SH3TC1: variants seen among roughly 807,000 people sequenced by gnomAD.
SH3TC1 encodes the protein SH3 domain and tetratricopeptide repeat-containing protein 1.
A neutral mutation model predicts 117.3 loss-of-function variants in SH3TC1; 135 were observed. The observed-to-expected ratio is 1.15, with a 90% confidence interval of 1.00 to 1.33. SH3TC1 has a LOEUF of 1.33. Ranked by LOEUF, SH3TC1 falls within the 40% of genes most tolerant of loss-of-function variation. SH3TC1 has a pLI of 0.00. For synonymous variants in SH3TC1, 898 were observed against 816.9 expected, an observed-to-expected ratio of 1.10 and a Z score of -1.69; for missense variants, 2,092 against 1,794.3, an observed-to-expected ratio of 1.17 and a Z score of -3.00.
At position 8,199,358 on chromosome 4, in the gene SH3TC1, G is replaced by A. The variant is rs1717680498; in HGVS notation, c.-76G>A. 6.6e-6 allele frequency: 1 copy of A among 152,334 alleles called. No individual in the cohort carries two copies. The highest frequency in any genetic ancestry group is 1.5e-5 in the Non-Finnish European group (1 of 68,098). 9.4% of individuals were successfully genotyped at this position (152,334 alleles called of 1,614,324 possible). A position where few individuals can be genotyped will look rare whatever the true frequency, so the allele number is the denominator to read the frequency against. On this transcript the variant is annotated 5_prime_UTR_variant, in exon 1 of 18. Coordinates refer to ENST00000245105, the MANE Select transcript of SH3TC1 (RefSeq NM_018986.5). ...AGGAGCGGCCACCTGGTTCCTGCGT[G>A]CTACGGCCCTGTGGGCCTGGGAGCT...
chr4:8,233,139 G>A, intron 13 of SH3TC1: 2 of 1,372,458 alleles, frequency 1.5e-6, no homozygotes, highest in Non-Finnish European at 9.4e-7. Flanking sequence ...CAGCCACAGG[G>A]CAGCATGATG....
At chr4:8,219,619 C>G (rs531884057) in intron 9 of SH3TC1, 89 bp downstream of exon 9, 89 of 1,339,262 alleles carry the variant, frequency 6.6e-5, no homozygotes, top group Non-Finnish European at 8.7e-5. Context: ...CCCCAGGTAA[C>G]AAGCCTGAAA....
chr4:8,198,973 G>T (rs141401797), upstream of SH3TC1, among the ~76,000 whole-genome samples: 1 of 152,220 alleles, frequency 6.6e-6, no homozygotes, highest in Admixed American at 6.5e-5. Context: ...AATGGAAGAG[G>T]AACAGAGATC....
At position 8,227,511 on chromosome 4, in the gene SH3TC1, AC is replaced by A. The variant is rs764663795; in HGVS notation, c.1819del (p.Leu607TrpfsTer82). The A allele has an allele frequency of 4.5e-5, 69 of 1,550,396 alleles. No individual in the cohort carries two copies. The highest frequency in any genetic ancestry group is 2.1e-4 in the Admixed American group (10 of 47,930). On this transcript the variant is annotated frameshift_variant, in exon 12 of 18. Transcript: ENST00000245105. LOFTEE classifies it high-confidence loss of function. ...TTCCTAGTGGTGGCTGTGTACGCCA[AC>A]CTGGCCAGCATTTACCGGAAGCAGA... ...DLFLVVAVYANLASIYRKQKN... is the reference protein window; with the variant it reads ...DLFLVVAVYAXLASIYRKQKN...
Position 8,205,006 on chromosome 4 carries a change from A to G in SH3TC1, c.-28-161A>G. On this transcript the variant is annotated intron_variant, in intron 1 of 17. Transcript: ENST00000245105. This position sits in a 1 kb window ranked among gnomAD's most constrained non-coding sequence, Gnocchi z 5.4. ...GCAGCAGCGGTGCGGGATCACGCCC[A>G]CCACAACACGGTGCACGGTGCGGTG... The G allele has an allele frequency of 2.1e-6, 1 of 485,470 alleles. No individual in the cohort carries two copies. The highest frequency in any genetic ancestry group is 3.4e-6 in the Non-Finnish European group (1 of 290,794). The allele number at this position is 485,470 out of a possible 1,614,324, so 30.1% of individuals were successfully genotyped here. A position where few individuals can be genotyped will look rare whatever the true frequency, so the allele number is the denominator to read the frequency against.
At chr4:8,191,825 A>G (rs558265801) in intron 1 of SH3TC1, among the ~76,000 whole-genome samples, 1 of 152,068 alleles carries the variant, frequency 6.6e-6, no homozygotes, top group Non-Finnish European at 1.5e-5. Context: ...TTTCTGGGAA[A>G]CACTGCGTTC....
At chr4:8,201,100 T>C (rs1012968753) in intron 1 of SH3TC1, among the ~76,000 whole-genome samples, 1 of 152,132 alleles carries the variant, frequency 6.6e-6, no homozygotes, top group African/African-American at 2.4e-5. Flanking sequence ...CTTGGTGGCA[T>C]AGGTGAGGTC....
rs1041870498 is a variant in SH3TC1 at position 8,210,709 on chromosome 4, G to A, written c.247+887G>A. Among the ~76,000 whole-genome samples, 7 of 132,056 alleles carry A rather than the reference G, an allele frequency of 5.3e-5. No homozygotes were observed. The highest frequency in any genetic ancestry group is 1.7e-4 in the African/African-American group (6 of 36,214). The allele number at this position is 132,056 out of a possible 152,430, so 86.6% of individuals were successfully genotyped here. ...ACCCAGGAGGCAGAGGTAGTGAGCC[G>A]AGATTGCGCCATTGCACTCCAGCCT... On this transcript the variant is annotated intron_variant, in intron 3 of 17. Transcript: ENST00000245105. This position sits in a 1 kb window ranked among gnomAD's most constrained non-coding sequence, Gnocchi z 4.1.
chr4:8,235,301 A>G (rs1286246341), intron 14 of SH3TC1, 132 bp from the exon 15 acceptor site: 1 of 1,157,118 alleles, frequency 8.6e-7, no homozygotes, highest in African/African-American at 1.6e-5. Flanking sequence ...GCCCTAATGC[A>G]CAGGGTCTGA....
chr4:8,225,259 G>T lies in SH3TC1; in HGVS notation c.1285+43G>T. The stretch of plus-strand genomic sequence containing the variant: ...CTCAGGCTTCCTCTGGTTATGAGCT[G>T]GGCCTTGGGGTAACGCTGGGGGAGG... On this transcript the variant is annotated intron_variant, in intron 11 of 17. Coordinates refer to ENST00000245105, the MANE Select transcript of SH3TC1 (RefSeq NM_018986.5). The surrounding 1 kb of genome is among the most constrained non-coding windows in gnomAD (Gnocchi z 5.5). The T allele has an allele frequency of 6.3e-7, 1 of 1,597,910 alleles. No individual in the cohort carries two copies.
chr4:8,223,069 G>A (rs559376708), intron 10 of SH3TC1, 99 bp downstream of exon 10: 2 of 1,468,582 alleles, frequency 1.4e-6, no homozygotes, highest in South Asian at 2.6e-5. Flanking sequence ...CCAGCCCCTG[G>A]ATGCTGAAAG....
At position 8,223,030 on chromosome 4, in the gene SH3TC1, C is replaced by T. The variant is rs1720097343; in HGVS notation, c.1243+60C>T. On this transcript the variant is annotated intron_variant, in intron 10 of 17. Transcript: ENST00000245105. ...CCCTCCCCTTTCCCTTCTGCAGCCC[C>T]TGCTGCCCTCGTCCATCCACAGATA... is the stretch of plus-strand genomic sequence containing the variant. The T allele has an allele frequency of 1.9e-6, 3 of 1,565,330 alleles. No homozygotes were observed. In the Admixed American group the frequency reaches 5.3e-5, roughly 28 times the overall value.
At chr4:8,230,176 G>C (rs1362618525) in intron 12 of SH3TC1, among the ~76,000 whole-genome samples, 3 of 152,208 alleles carry the variant, frequency 2.0e-5, no homozygotes, top group African/African-American at 7.2e-5. Flanking sequence ...GTTGCGTCTA[G>C]ATGATCTGAT....
At chr4:8,193,757 C>T (rs531855075) in intron 1 of SH3TC1, among the ~76,000 whole-genome samples, 1 of 152,294 alleles carries the variant, frequency 6.6e-6, no homozygotes, top group East Asian at 1.9e-4. Flanking sequence ...CTGCAAAAAG[C>T]AGCATTACCT....
rs1720338132 is a variant in SH3TC1, at chr4:8,225,120, G to A, written c.1244-55G>A. On this transcript the variant is annotated intron_variant, in intron 10 of 17. Transcript: ENST00000245105. This position sits in a 1 kb window ranked among gnomAD's most constrained non-coding sequence, Gnocchi z 5.5. Reference sequence around the variant, plus strand: ...CATCGACACTAGCTCAACCTGGCAGGGGACCAGAGGTACTGGCTGGGGGTG... The same window carrying A: ...CATCGACACTAGCTCAACCTGGCAGAGGACCAGAGGTACTGGCTGGGGGTG... The A allele has an allele frequency of 1.9e-6, 3 of 1,605,920 alleles. No individual in the cohort carries two copies. Among genetic ancestry groups the A allele is most frequent in the Non-Finnish European group, 2.6e-6 (3 of 1,174,518 alleles).
rs749877225 is a variant in SH3TC1 at position 8,236,259 on chromosome 4, C to A, written c.3406-19C>A. 4 of 1,536,842 alleles carry A rather than the reference C, an allele frequency of 2.6e-6. No homozygotes were observed. The highest frequency in any genetic ancestry group is 1.8e-6 in the Non-Finnish European group (2 of 1,139,870). ...GGTGGGTGCTGCGGGAAGCCTGACC[C>A]CACCTGCCTGTGTGGCAGGACCGGG... is the stretch of plus-strand genomic sequence containing the variant. On this transcript the variant is annotated intron_variant, in intron 15 of 17. Transcript: ENST00000245105.
chr4:8,217,542 G>A (rs1719422840), intron 7 of SH3TC1, among the ~76,000 whole-genome samples: 1 of 152,250 alleles, frequency 6.6e-6, no homozygotes. Flanking sequence ...GGGATGTGAG[G>A]ACAGGTGACA....
chr4:8,192,447 C>CT lies in SH3TC1; in HGVS notation c.-57+10240dup, dbSNP rs1022844300. Among the ~76,000 whole-genome samples, 88 of 138,466 alleles carry CT rather than the reference C, an allele frequency of 6.4e-4. No individual in the cohort carries two copies. The highest frequency in any genetic ancestry group is 2.0e-3 in the African/African-American group (74 of 37,094). 90.8% of individuals were successfully genotyped at this position (138,466 alleles called of 152,430 possible). A position where few individuals can be genotyped will look rare whatever the true frequency, so the allele number is the denominator to read the frequency against. ...ACAATCTTCTTATCCAACCACTTGT[C>CT]TTTATTTTATTTTATTTTATTTTAT... is the stretch of plus-strand genomic sequence containing the variant. On this transcript the variant is annotated intron_variant, in intron 1 of 16. Coordinates refer to the SH3TC1 transcript ENST00000508641. The surrounding 1 kb of genome is among the most constrained non-coding windows in gnomAD (Gnocchi z 4.1).
chr4:8,234,002 CTTCCATTT>C lies in SH3TC1; in HGVS notation c.3282+490_3282+497del, dbSNP rs1431612739. ...TCCATCCATCCATCATCCATCCATC[CTTCCATTT>C]ATCCATCCATCATCCATCCATCCAT... On this transcript the variant is annotated intron_variant, in intron 14 of 17. Coordinates refer to ENST00000245105, the MANE Select transcript of SH3TC1 (RefSeq NM_018986.5). 3.4e-3 allele frequency among the ~76,000 whole-genome samples: 263 copies of C among 77,732 alleles called. 1 individual carries two copies. The highest frequency in any genetic ancestry group is 7.0e-3 in the Middle Eastern group (1 of 142). 51.0% of individuals were successfully genotyped at this position (77,732 alleles called of 152,430 possible).
Sources: gnomAD v4.1 joint callset for allele counts (sites outside exome capture counted in the v4.1 genomes callset) on GRCh38, gnomAD v4.1.1 for gene constraint, Gnocchi (gnomAD v3.1) non-coding constraint, MANE v1.5 for transcripts, NCBI Gene and HGNC (gene_info 2026-07-23, HGNC 2026-07-21) for gene names.